The following SLC16A10 variants were observed in gnomAD, a reference collection of about 807,000 sequenced individuals.
The protein encoded by SLC16A10 is monocarboxylate transporter 10.
SLC16A10 carries 27 observed loss-of-function variants against 40.0 expected under a neutral mutation model. That is an observed-to-expected ratio of 0.67 (90% confidence interval 0.50 to 0.93). The LOEUF (loss-of-function observed/expected upper bound fraction) is 0.93. SLC16A10 is among the 40% of genes least tolerant of loss of function. The pLI, the probability that SLC16A10 is intolerant of heterozygous loss-of-function variation, is 0.00. For missense variants in SLC16A10, 529 were observed against 658.2 expected, an observed-to-expected ratio of 0.80 and a Z score of 2.15; for synonymous variants, 213 against 249.8, an observed-to-expected ratio of 0.85 and a Z score of 1.39.
Position 111,087,817 on chromosome 6 carries a change from C to T in SLC16A10, c.65C>T (p.Pro22Leu), listed in dbSNP as rs1770895010. The change falls in exon 1 of 6, where the codon CCC (proline) becomes CTC (leucine). Residue 22 changes from proline (P) to leucine (L), a missense_variant. Physicochemically the swap from Pro to Leu is moderately conservative, Grantham distance 98. Coordinates refer to ENST00000368851, the MANE Select transcript of SLC16A10 (RefSeq NM_018593.5). ...ACGAGCGAGGCGCAGCCGCTCGGCC[C>T]CGCGCCCACGGGGGCCGCTCCGCCG... ...RGTSEAQPLG[P>L]APTGAAPPPG... 3 of 1,331,110 alleles carry T rather than the reference C, an allele frequency of 2.3e-6. No homozygotes were observed. Among genetic ancestry groups the T allele is most frequent in the African/African-American group, 3.1e-5 (2 of 64,384 alleles). 82.5% of individuals were successfully genotyped at this position (1,331,110 alleles called of 1,614,324 possible).
intron 1 of SLC16A10, among the ~76,000 whole-genome samples, chr6:111,105,998 A>G (rs1234721663): frequency 6.6e-6 from 1 of 152,232 alleles, no homozygotes; most frequent in Non-Finnish European, 1.5e-5. Context: ...CTTCATTTAC[A>G]GAATCTGTAT....
chr6:111,093,646 C>T (rs1387059190), intron 1 of SLC16A10, among the ~76,000 whole-genome samples: 1 of 152,140 alleles, frequency 6.6e-6, no homozygotes, highest in Non-Finnish European at 1.5e-5. Context: ...GAAAAGCGGC[C>T]TGCATAACTA....
intron 1 of SLC16A10, among the ~76,000 whole-genome samples, chr6:111,134,568 AG>A (rs1440862452): frequency 2.0e-5 from 3 of 152,132 alleles, no homozygotes; most frequent in African/African-American, 7.2e-5. Context: ...AAAAAAAAAA[AG>A]GCCACTGCTT....
At position 111,229,613 on chromosome 6, in the gene SLC16A10, T is replaced by C. The variant is rs1235437616; in HGVS notation, c.*7378T>C. The stretch of plus-strand genomic sequence containing the variant: ...TTTGAGAGTCATCAATCTTAAAACA[T>C]GGATAATGAGTTATTTGCACAGTTA... On this transcript the variant is annotated 3_prime_UTR_variant, in exon 6 of 6. Coordinates refer to ENST00000368851, the MANE Select transcript of SLC16A10 (RefSeq NM_018593.5). 6.6e-6 allele frequency: 1 copy of C among 152,230 alleles called. No homozygotes were observed. The highest frequency in any genetic ancestry group is 1.5e-5 in the Non-Finnish European group (1 of 68,032). The allele number at this position is 152,230 out of a possible 1,614,324, so 9.4% of individuals were successfully genotyped here. A position where few individuals can be genotyped will look rare whatever the true frequency, so the allele number is the denominator to read the frequency against.
At chr6:111,220,056 C>T (rs749066669) in intron 5 of SLC16A10, among the ~76,000 whole-genome samples, 1 of 152,208 alleles carries the variant, frequency 6.6e-6, no homozygotes, top group Non-Finnish European at 1.5e-5. Flanking sequence ...CACTGCACTC[C>T]AGCCTGGGTG....
chr6:111,160,289 A>C (rs897050882), intron 1 of SLC16A10, among the ~76,000 whole-genome samples: 1 of 152,202 alleles, frequency 6.6e-6, no homozygotes, highest in Admixed American at 6.5e-5. Flanking sequence ...CCCAGGCTGG[A>C]GTGCAGTAGT....
chr6:111,122,438 T>C (rs1273767042), intron 1 of SLC16A10, among the ~76,000 whole-genome samples: 4 of 152,210 alleles, frequency 2.6e-5, no homozygotes, highest in East Asian at 1.9e-4. Context: ...AGTGGAACTT[T>C]AATGACCCAC....
intron 3 of SLC16A10, chr6:111,193,470 C>G (rs1322534162): frequency 3.1e-6 from 1 of 319,458 alleles, no homozygotes; most frequent in Non-Finnish European, 4.5e-6. Flanking sequence ...AGAACACTTT[C>G]ATCAAAACAA....
At chr6:111,161,487 A>G (rs757318482) in intron 1 of SLC16A10, among the ~76,000 whole-genome samples, 2 of 151,988 alleles carry the variant, frequency 1.3e-5, no homozygotes, top group Non-Finnish European at 2.9e-5. Context: ...AGGTACATCT[A>G]ACTGCCATTA....
chr6:111,108,815 A>G (rs1196110710), intron 1 of SLC16A10, among the ~76,000 whole-genome samples: 2 of 152,222 alleles, frequency 1.3e-5, no homozygotes, highest in African/African-American at 2.4e-5. Context: ...CATTTTCATA[A>G]CAAACTTCAC....
In SLC16A10 at chr6:111,228,580, TA is replaced by T. The variant is rs2114602547; in HGVS notation, c.*6346del. On this transcript the variant is annotated 3_prime_UTR_variant, in exon 6 of 6. Coordinates refer to ENST00000368851, the MANE Select transcript of SLC16A10 (RefSeq NM_018593.5). ...TGTATGACTTTTATTCTTTACTAGA[TA>T]TTTTTCAGTATCCGTCATTAGAAGA... The T allele has an allele frequency of 6.6e-6, 1 of 152,344 alleles. No homozygotes were observed. Among genetic ancestry groups the T allele is most frequent in the Admixed American group, 6.5e-5 (1 of 15,308 alleles). 9.4% of individuals were successfully genotyped at this position (152,344 alleles called of 1,614,324 possible). A position where few individuals can be genotyped will look rare whatever the true frequency, so the allele number is the denominator to read the frequency against.
chr6:111,152,293 G>A (rs765960142), intron 1 of SLC16A10, among the ~76,000 whole-genome samples: 4 of 152,130 alleles, frequency 2.6e-5, no homozygotes, highest in Admixed American at 6.5e-5. Context: ...TTGTCCCCCG[G>A]TAGAATGGCA....
chr6:111,091,073 T>A (rs964734739), intron 1 of SLC16A10: 11 of 152,240 alleles, frequency 7.2e-5, no homozygotes, highest in African/African-American at 2.7e-4. Context: ...CACGATTCTC[T>A]GATAGACTTT....
At chr6:111,147,295 GTATT>G (rs1396845647) in intron 1 of SLC16A10, among the ~76,000 whole-genome samples, 1 of 152,064 alleles carries the variant, frequency 6.6e-6, no homozygotes, top group Admixed American at 6.5e-5. Context: ...TAAATATAAA[GTATT>G]TATAGCCAAA....
chr6:111,129,789 G>A (rs1459840222), intron 1 of SLC16A10, among the ~76,000 whole-genome samples: 2 of 152,202 alleles, frequency 1.3e-5, no homozygotes, highest in Non-Finnish European at 2.9e-5. Flanking sequence ...AAGGCCACAG[G>A]ACAAAGTAGA....
intron 1 of SLC16A10, among the ~76,000 whole-genome samples, chr6:111,106,604 C>T (rs569464790): frequency 2.6e-5 from 4 of 152,136 alleles, no homozygotes; most frequent in African/African-American, 7.2e-5. Context: ...AATTAATCAG[C>T]GGTCACTAAT....
intron 1 of SLC16A10, among the ~76,000 whole-genome samples, chr6:111,169,289 G>C (rs904835726): frequency 6.6e-6 from 1 of 152,196 alleles, no homozygotes; most frequent in Non-Finnish European, 1.5e-5. Context: ...AGGTTCCAAC[G>C]GTGAGTCTTT....
At chr6:111,192,641 T>C (rs1773014584) in intron 3 of SLC16A10, among the ~76,000 whole-genome samples, 1 of 152,136 alleles carries the variant, frequency 6.6e-6, no homozygotes, top group South Asian at 2.1e-4. Flanking sequence ...TACCCGAAAC[T>C]GGGCAATTTA....
At chr6:111,168,216 G>A (rs1320269592) in intron 1 of SLC16A10, among the ~76,000 whole-genome samples, 2 of 152,166 alleles carry the variant, frequency 1.3e-5, no homozygotes, top group African/African-American at 4.8e-5. Flanking sequence ...CTGACCTCAG[G>A]TGATCCACCC....
Sources: allele counts gnomAD v4.1 joint callset (sites outside exome capture counted in the v4.1 genomes callset), GRCh38; gene constraint gnomAD v4.1.1; transcripts MANE v1.5; gene names NCBI Gene and HGNC (gene_info 2026-07-23, HGNC 2026-07-21).